The following KLHL20 variants were observed in gnomAD, a reference collection of about 807,000 sequenced individuals.
KLHL20 encodes the protein kelch-like protein 20.
KLHL20 carries 29 observed loss-of-function variants against 69.5 expected under a neutral mutation model. The observed-to-expected ratio is 0.42, with a 90% CI of 0.31 to 0.57. KLHL20 has a LOEUF of 0.57. Ranked by LOEUF, KLHL20 falls within the 20% of genes least tolerant of loss-of-function variation. KLHL20 has a pLI of 0.18. For synonymous variants in KLHL20, 253 were observed against 265.2 expected (o/e 0.95, Z 0.45); for missense variants, 419 against 776.0 (o/e 0.54, Z 5.47).
chr1:173,753,208 C>G lies in KLHL20; in HGVS notation c.757-5C>G. On this transcript the variant is annotated splice_polypyrimidine_tract_variant and splice_region_variant and intron_variant, in intron 4 of 11. Coordinates refer to ENST00000209884, the MANE Select transcript of KLHL20 (RefSeq NM_014458.4). ...ATTAAAATAATGGTGTTTATTTTCT[C>G]ATAGGTGCTGCAGCATGTTCGTTTG... 6.2e-7 allele frequency: 1 copy of G among 1,611,160 alleles called. No homozygotes were observed. Among genetic ancestry groups the G allele is most frequent in the East Asian group, 2.2e-5 (1 of 44,842 alleles).
intron 2 of KLHL20, among the ~76,000 whole-genome samples, chr1:173,730,942 A>G (rs1672242747): frequency 6.6e-6 from 1 of 152,196 alleles, no homozygotes; most frequent in African/African-American, 2.4e-5. Context: ...CAACCTACAG[A>G]ATGGGAGAAA....
intron 10 of KLHL20, among the ~76,000 whole-genome samples, chr1:173,776,945 T>C (rs1484922279): frequency 6.6e-6 from 1 of 152,206 alleles, no homozygotes; most frequent in African/African-American, 2.4e-5. Context: ...ATTTTTTCTA[T>C]TTCTGTGAAG....
chr1:173,718,325 G>C (rs974161447), intron 2 of KLHL20, among the ~76,000 whole-genome samples: 1 of 151,710 alleles, frequency 6.6e-6, no homozygotes, highest in Non-Finnish European at 1.5e-5. Flanking sequence ...GATCCCTTGA[G>C]CCCAAGAGTT....
chr1:173,755,963 C>G lies in KLHL20; in HGVS notation c.892C>G (p.Gln298Glu). 6.2e-7 allele frequency: 1 copy of G among 1,614,076 alleles called. No homozygotes were observed. The highest frequency in any genetic ancestry group is 8.5e-7 in the Non-Finnish European group (1 of 1,179,982). Residue 298 changes from glutamine (Q) to glutamate (E), a missense_variant, in exon 6 of 12, where the codon CAA (glutamine) becomes GAA (glutamate). By Grantham distance (29) the Gln-to-Glu change is conservative. Around this residue, in one of 6 missense-constraint regions of KLHL20, gnomAD observed 99 missense variants for 240.7 expected, o/e 0.41. Transcript: ENST00000209884. ...GGCTAAAAACTACCTCCTATTGCCG[C>G]AAGAACGACCACTAATGCAAGGACC... ...DEAKNYLLLP[Q>E]ERPLMQGPRT...
intron 11 of KLHL20, among the ~76,000 whole-genome samples, chr1:173,782,756 A>G (rs931448055): frequency 6.6e-5 from 10 of 152,316 alleles, no homozygotes; most frequent in Middle Eastern, 3.4e-3. Flanking sequence ...CTTAACTTAA[A>G]CTTCATTTCT....
Position 173,741,470 on chromosome 1 carries a change from A to G in KLHL20, c.597+7184A>G, listed in dbSNP as rs181632691. Among the ~76,000 whole-genome samples, 296 of 152,358 alleles carry G rather than the reference A, an allele frequency of 1.9e-3. 1 individual carries two copies. Among genetic ancestry groups the G allele is most frequent in the African/African-American group, 6.7e-3 (278 of 41,586 alleles). ...CAATGATATGGAGCAATTTCTTTAT[A>G]ATCTTGAAGTGAAAAAGGTCTTTCT... On this transcript the variant is annotated intron_variant, in intron 3 of 11. Transcript: ENST00000209884.
At chr1:173,745,296 G>T (rs1425265598) in intron 3 of KLHL20, among the ~76,000 whole-genome samples, 1 of 149,852 alleles carries the variant, frequency 6.7e-6, no homozygotes, top group African/African-American at 2.5e-5. Context: ...CCGGGAAGCT[G>T]AGATTACAGG....
At chr1:173,755,231 G>A (rs1673495611) in intron 5 of KLHL20, among the ~76,000 whole-genome samples, 1 of 151,990 alleles carries the variant, frequency 6.6e-6, no homozygotes. Flanking sequence ...GCTACTTTTT[G>A]TATTTTTAGT....
chr1:173,733,535 C>T (rs571217691), intron 2 of KLHL20, among the ~76,000 whole-genome samples, 178 bp from the exon 3 acceptor site: 502 of 151,992 alleles, frequency 3.3e-3, no homozygotes, highest in Non-Finnish European at 5.3e-3. Context: ...ATCACTTGAG[C>T]CCAAGAGTTT....
At chr1:173,716,794 C>A (rs1671483441) in intron 2 of KLHL20, among the ~76,000 whole-genome samples, 1 of 152,140 alleles carries the variant, frequency 6.6e-6, no homozygotes, top group Admixed American at 6.5e-5. Context: ...TAAACAACTT[C>A]TGCAGTTCTT....
At chr1:173,726,411 C>G (rs1288778700) in intron 2 of KLHL20, among the ~76,000 whole-genome samples, 1 of 152,138 alleles carries the variant, frequency 6.6e-6, no homozygotes, top group African/African-American at 2.4e-5. Context: ...GTGGTTCTCC[C>G]AGCACGCAGC....
At chr1:173,753,382 C>A in intron 5 of KLHL20, 75 bp downstream of exon 5, 2 of 1,075,200 alleles carry the variant, frequency 1.9e-6, no homozygotes, top group Non-Finnish European at 2.8e-6. Flanking sequence ...ATTTGTATTG[C>A]TTCCTAAATA....
chr1:173,731,970 G>A (rs1052791998), intron 2 of KLHL20, among the ~76,000 whole-genome samples: 3 of 152,114 alleles, frequency 2.0e-5, no homozygotes, highest in Non-Finnish European at 4.4e-5. Context: ...GGCTGAGGCA[G>A]GCGGATCACG....
chr1:173,740,003 A>G (rs1252273659), intron 3 of KLHL20, among the ~76,000 whole-genome samples: 2 of 151,600 alleles, frequency 1.3e-5, no homozygotes, highest in African/African-American at 4.9e-5. Context: ...TAATCTTGAT[A>G]ATGGTCTATC....
chr1:173,750,414 A>T (rs1673252942), intron 3 of KLHL20, among the ~76,000 whole-genome samples: 1 of 151,808 alleles, frequency 6.6e-6, no homozygotes, highest in Non-Finnish European at 1.5e-5. Flanking sequence ...GGCTCAAGTG[A>T]TCCATTCACC....
chr1:173,716,155 C>A (rs879232002), intron 2 of KLHL20, 89 bp downstream of exon 2: 3 of 1,241,020 alleles, frequency 2.4e-6, no homozygotes, highest in Non-Finnish European at 3.5e-6. Flanking sequence ...TTCAATCTTA[C>A]TAAATTCTGC....
Position 173,751,941 on chromosome 1 carries a change from C to G in KLHL20, c.756+19C>G, listed in dbSNP as rs2102498717. 2.5e-6 allele frequency: 4 copies of G among 1,608,866 alleles called. No homozygotes were observed. The East Asian group carries it at 6.7e-5, about 27-fold the overall frequency. The stretch of plus-strand genomic sequence containing the variant: ...ACCCCAGGTAATGATAGAAATTCTT[C>G]TCTAAGAAACTGCTGACCGGGCATG... On this transcript the variant is annotated intron_variant, in intron 4 of 11. Transcript: ENST00000209884.
intron 3 of KLHL20, among the ~76,000 whole-genome samples, chr1:173,741,519 G>A (rs979985672): frequency 7.2e-5 from 11 of 152,170 alleles, no homozygotes; most frequent in African/African-American, 2.7e-4. Context: ...AGAAAAGACA[G>A]AAGATAAAAT....
At chr1:173,745,126 C>T (rs1184873380) in intron 3 of KLHL20, among the ~76,000 whole-genome samples, 4 of 148,724 alleles carry the variant, frequency 2.7e-5, no homozygotes, top group African/African-American at 9.9e-5. Context: ...CTCTTGGGAA[C>T]GTTTTATGGT....
Sources: gnomAD v4.1 joint callset for allele counts (sites outside exome capture counted in the v4.1 genomes callset) on GRCh38, gnomAD v4.1.1 for gene constraint, gnomAD v4.1.1 regional missense constraint, MANE v1.5 for transcripts, NCBI Gene and HGNC (gene_info 2026-07-23, HGNC 2026-07-21) for gene names.